ZFHX3: variants seen among roughly 807,000 people sequenced by gnomAD.
The protein encoded by ZFHX3 is zinc finger homeobox 3, also known as zinc finger homeobox protein 3.
A neutral mutation model predicts 279.1 loss-of-function variants in ZFHX3; 42 were observed. That is an observed-to-expected ratio of 0.15 (90% CI 0.12 to 0.19). The LOEUF (loss-of-function observed/expected upper bound fraction) is 0.19, where lower values mean the gene tolerates loss of function less well. ZFHX3 is among the 10% of genes least tolerant of loss of function. The pLI is 1.00. For missense variants in ZFHX3, 4,981 were observed against 4,754.0 expected, an observed-to-expected ratio of 1.05 and a Z score of -1.40; for synonymous variants, 2,293 against 1,957.8, an observed-to-expected ratio of 1.17 and a Z score of -4.52.
intron 5 of ZFHX3, among the ~76,000 whole-genome samples, chr16:73,252,765 A>C (rs1567431345): frequency 6.6e-6 from 1 of 152,196 alleles, no homozygotes; most frequent in Non-Finnish European, 1.5e-5. Flanking sequence ...GGAAGGAGCC[A>C]GAGAAAGTCT....
chr16:72,963,344 T>C (rs538227155), intron 1 of ZFHX3, among the ~76,000 whole-genome samples: 8 of 152,290 alleles, frequency 5.3e-5, no homozygotes, highest in Admixed American at 2.0e-4. Context: ...GGTATTCTGC[T>C]CACAACCCCC....
At chr16:73,377,860 C>T (rs950922306) in intron 3 of ZFHX3, among the ~76,000 whole-genome samples, 1 of 151,002 alleles carries the variant, frequency 6.6e-6, no homozygotes, top group African/African-American at 2.4e-5. Flanking sequence ...GGTGAAACTC[C>T]ATCTCTACTA....
chr16:73,222,689 A>AGGTCATTT (rs1409774120), intron 5 of ZFHX3, among the ~76,000 whole-genome samples: 1 of 152,076 alleles, frequency 6.6e-6, no homozygotes, highest in Non-Finnish European at 1.5e-5. Context: ...AAAGCCTAGC[A>AGGTCATTT]GGTCATTTTG....
At chr16:73,136,797 A>T (rs899599209) in intron 6 of ZFHX3, among the ~76,000 whole-genome samples, 10 of 151,304 alleles carry the variant, frequency 6.6e-5, no homozygotes, top group African/African-American at 1.5e-4. Context: ...AAATAAGACA[A>T]TTCTAGGGGT....
At chr16:73,397,278 C>G (rs893218100) in intron 3 of ZFHX3, among the ~76,000 whole-genome samples, 1 of 152,168 alleles carries the variant, frequency 6.6e-6, no homozygotes, top group Non-Finnish European at 1.5e-5. Flanking sequence ...GGCGCTCAGG[C>G]AGACAGCAAA....
intron 5 of ZFHX3, among the ~76,000 whole-genome samples, chr16:73,149,074 G>T (rs1966883960): frequency 6.7e-6 from 1 of 148,294 alleles, no homozygotes; most frequent in South Asian, 2.1e-4. Context: ...ATAGGGCCTG[G>T]CTCATAGTGC....
rs2035305194 is a variant in ZFHX3 at position 72,785,095 on chromosome 16, TCA to T, written c.*2067_*2068del. ...GAAGAAAACGAAGGGAAGAAGGATT[TCA>T]CACTTTGGGGGCAAGGGGAGATGGT... is the stretch of plus-strand genomic sequence containing the variant. On this transcript the variant is annotated 3_prime_UTR_variant, in exon 10 of 10. Transcript: ENST00000268489. 1 of 152,652 alleles carries T rather than the reference TCA, an allele frequency of 6.6e-6. No homozygotes were observed. The highest frequency in any genetic ancestry group is 6.5e-5 in the Admixed American group (1 of 15,288). The allele number at this position is 152,652 out of a possible 1,614,324, so 9.5% of individuals were successfully genotyped here.
intron 2 of ZFHX3, chr16:73,543,930 G>C (rs902219803): frequency 2.0e-4 from 31 of 151,756 alleles, no homozygotes; most frequent in Non-Finnish European, 1.5e-5. Flanking sequence ...GAGAGGCAGA[G>C]GGAGAAAGGT....
chr16:73,677,557 CA>C (rs1389111545), intron 2 of ZFHX3, among the ~76,000 whole-genome samples: 1 of 151,274 alleles, frequency 6.6e-6, no homozygotes, highest in Non-Finnish European at 1.5e-5. Context: ...TAGCTAATCA[CA>C]AAAAAAGATA....
At chr16:73,662,713 C>T (rs1028207386) in intron 2 of ZFHX3, among the ~76,000 whole-genome samples, 1 of 152,134 alleles carries the variant, frequency 6.6e-6, no homozygotes, top group African/African-American at 2.4e-5. Context: ...TGAAAGCGAA[C>T]AATTTCATTT....
At chr16:73,306,496 T>A (rs2015183416) in intron 4 of ZFHX3, among the ~76,000 whole-genome samples, 1 of 55,496 alleles carries the variant, frequency 1.8e-5, no homozygotes. Flanking sequence ...ATTTTTGTAT[T>A]TTTTTTGGTA....
At chr16:73,674,699 T>C (rs1201677739) in intron 2 of ZFHX3, among the ~76,000 whole-genome samples, 2 of 152,334 alleles carry the variant, frequency 1.3e-5, no homozygotes, top group East Asian at 1.9e-4. Flanking sequence ...TAATGGAATC[T>C]AAGCCAAGTG....
intron 3 of ZFHX3, among the ~76,000 whole-genome samples, chr16:73,384,952 T>C (rs895472116): frequency 4.6e-5 from 7 of 152,182 alleles, no homozygotes; most frequent in Non-Finnish European, 1.0e-4. Flanking sequence ...ACCCACTGGG[T>C]TCCCATGGGA....
chr16:73,885,892 C>T (rs1311287416), intron 1 of ZFHX3, among the ~76,000 whole-genome samples: 1 of 152,134 alleles, frequency 6.6e-6, no homozygotes. Flanking sequence ...GTAAGTACCC[C>T]CCTGACTGAG....
At chr16:73,057,867 G>GGCGGCCGCGGCAGCAGCAGTGGCT (rs1321594980) in intron 1 of ZFHX3, among the ~76,000 whole-genome samples, 2 of 150,030 alleles carry the variant, frequency 1.3e-5, no homozygotes, top group East Asian at 1.9e-4. Flanking sequence ...GGCCAGCGGT[G>GGCGGCCGCGGCAGCAGCAGTGGCT]GCGGCCGCGG....
intron 2 of ZFHX3, among the ~76,000 whole-genome samples, chr16:73,470,472 C>G (rs1207269526): frequency 6.6e-6 from 1 of 152,158 alleles, no homozygotes; most frequent in Non-Finnish European, 1.5e-5. Context: ...CTTAACACAG[C>G]TTTTATTAAT....
At chr16:73,058,114 G>A (rs1179176553) in intron 1 of ZFHX3, among the ~76,000 whole-genome samples, 3 of 141,260 alleles carry the variant, frequency 2.1e-5, no homozygotes, top group African/African-American at 7.5e-5. Context: ...CGCCCCGGCC[G>A]GCCCTGCCTG....
intron 1 of ZFHX3, among the ~76,000 whole-genome samples, chr16:73,777,401 G>A (rs1362328385): frequency 6.6e-6 from 1 of 150,492 alleles, no homozygotes; most frequent in Non-Finnish European, 1.5e-5. Context: ...TACTCAGGAG[G>A]CTGAGGCAGG....
At chr16:73,462,180 A>C (rs961734629) in intron 2 of ZFHX3, among the ~76,000 whole-genome samples, 2 of 152,158 alleles carry the variant, frequency 1.3e-5, no homozygotes, top group Admixed American at 6.5e-5. Flanking sequence ...ACAGAAGTGC[A>C]ATTGCTTTTG....
Sources: allele counts gnomAD v4.1 joint callset (sites outside exome capture counted in the v4.1 genomes callset), GRCh38; gene constraint gnomAD v4.1.1; transcripts MANE v1.5; gene names NCBI Gene and HGNC (gene_info 2026-07-23, HGNC 2026-07-21).